MITF: variants seen among roughly 807,000 people sequenced by gnomAD.
The protein encoded by MITF is melanocyte inducing transcription factor, also known as microphthalmia-associated transcription factor.
MITF carries 17 observed loss-of-function variants against 60.5 expected under a neutral mutation model. That is an observed-to-expected ratio of 0.28 (90% CI 0.19 to 0.42). The LOEUF (loss-of-function observed/expected upper bound fraction) is 0.42. Ranked by LOEUF, MITF falls within the 10% of genes least tolerant of loss-of-function variation. MITF has a pLI of 1.00. For missense variants in MITF, 622 were observed against 683.5 expected, an observed-to-expected ratio of 0.91 and a Z score of 1.00; for synonymous variants, 260 against 248.5, an observed-to-expected ratio of 1.05 and a Z score of -0.43.
At chr3:69,807,680 C>CT (rs2063031822) in intron 1 of MITF, among the ~76,000 whole-genome samples, 1 of 152,222 alleles carries the variant, frequency 6.6e-6, no homozygotes, top group South Asian at 2.1e-4. Flanking sequence ...GGATAAGCCA[C>CT]TTTGATACCT....
At chr3:69,951,289 A>C (rs922821456) in intron 6 of MITF, among the ~76,000 whole-genome samples, 1 of 151,664 alleles carries the variant, frequency 6.6e-6, no homozygotes, top group Admixed American at 6.6e-5. Context: ...GTAAAGACCA[A>C]GGCTGATCTT....
At chr3:69,808,266 A>G (rs890421720) in intron 1 of MITF, among the ~76,000 whole-genome samples, 1 of 151,952 alleles carries the variant, frequency 6.6e-6, no homozygotes, top group African/African-American at 2.4e-5. Flanking sequence ...AACTGAAACC[A>G]GAATAACCGT....
chr3:69,756,818 T>C (rs970876476), intron 1 of MITF, among the ~76,000 whole-genome samples: 1 of 152,196 alleles, frequency 6.6e-6, no homozygotes, highest in Non-Finnish European at 1.5e-5. Context: ...TTTTTAATGA[T>C]TGCTACTCTG....
At chr3:69,778,459 A>G (rs2062510406) in intron 1 of MITF, among the ~76,000 whole-genome samples, 1 of 152,214 alleles carries the variant, frequency 6.6e-6, no homozygotes. Flanking sequence ...TCTCCATACA[A>G]GAAGCCCAGG....
At chr3:69,939,305 A>C in intron 4 of MITF, 124 bp downstream of exon 4, 1 of 825,782 alleles carries the variant, frequency 1.2e-6, no homozygotes, top group Non-Finnish European at 2.0e-6. Context: ...TTTTTTATAG[A>C]GAAAGCTAGG....
chr3:69,963,148 T>C (rs2066592248), intron 9 of MITF, among the ~76,000 whole-genome samples: 1 of 152,182 alleles, frequency 6.6e-6, no homozygotes, highest in Admixed American at 6.5e-5. Flanking sequence ...TCCAAGGTAC[T>C]AAGGTTAGGA....
chr3:69,827,581 G>A (rs1282786800), intron 1 of MITF, among the ~76,000 whole-genome samples: 1 of 152,140 alleles, frequency 6.6e-6, no homozygotes, highest in Non-Finnish European at 1.5e-5. Flanking sequence ...ATATCAATGG[G>A]GAGGGAAATA....
chr3:69,793,513 T>C, intron 1 of MITF, among the ~76,000 whole-genome samples: 2 of 152,012 alleles, frequency 1.3e-5, no homozygotes, highest in East Asian at 1.9e-4. Context: ...GCATGCACCC[T>C]CTCCCAATGC....
intron 1 of MITF, among the ~76,000 whole-genome samples, chr3:69,834,889 G>A (rs1163181641): frequency 1.3e-5 from 2 of 148,422 alleles, no homozygotes; most frequent in African/African-American, 5.0e-5. Flanking sequence ...ACTGGAGTGA[G>A]GTAGTATCTC....
chr3:69,787,933 T>A (rs576451949), intron 1 of MITF, among the ~76,000 whole-genome samples: 83 of 152,146 alleles, frequency 5.5e-4, no homozygotes, highest in Non-Finnish European at 1.0e-3. Context: ...CTGTGCTAAG[T>A]GCTTTATTTG....
At chr3:69,836,760 T>C (rs574170447) in intron 1 of MITF, among the ~76,000 whole-genome samples, 9 of 152,334 alleles carry the variant, frequency 5.9e-5, no homozygotes, top group African/African-American at 2.2e-4. Flanking sequence ...TTCTTCCTTG[T>C]AGCAGTCAGA....
At chr3:69,876,621 A>G (rs527741549) in intron 1 of MITF, among the ~76,000 whole-genome samples, 1 of 152,322 alleles carries the variant, frequency 6.6e-6, no homozygotes, top group Non-Finnish European at 1.5e-5. Flanking sequence ...TGAGTGCATG[A>G]TATTAAATAA....
In MITF at chr3:69,941,334, AT is replaced by A. The variant is rs750619953; in HGVS notation, c.762+5del. 1 of 1,592,748 alleles carries A rather than the reference AT, an allele frequency of 6.3e-7. No homozygotes were observed. The highest frequency in any genetic ancestry group is 1.1e-5 in the South Asian group (1 of 90,440). On this transcript the variant is annotated splice_donor_region_variant and intron_variant, in intron 5 of 9. Coordinates refer to ENST00000352241, the MANE Select transcript of MITF (RefSeq NM_001354604.2). ...CTGCTTTGCAAATGGCAAATACGGT[AT>A]TGATAACCTTTTTTTAAGTAGAAAA...
At chr3:69,798,648 C>G (rs999778232) in intron 1 of MITF, among the ~76,000 whole-genome samples, 5 of 152,222 alleles carry the variant, frequency 3.3e-5, no homozygotes, top group African/African-American at 1.2e-4. Flanking sequence ...TAACCCTTCC[C>G]CCTCTGTTTC....
chr3:69,912,656 G>A (rs1435965635), intron 2 of MITF, among the ~76,000 whole-genome samples: 1 of 152,186 alleles, frequency 6.6e-6, no homozygotes, highest in Non-Finnish European at 1.5e-5. Flanking sequence ...GCCACACACA[G>A]AAATTGTTAG....
At chr3:69,963,395 C>T (rs1029722415) in intron 9 of MITF, among the ~76,000 whole-genome samples, 1 of 152,158 alleles carries the variant, frequency 6.6e-6, no homozygotes, top group Admixed American at 6.5e-5. Context: ...TCATGGCACT[C>T]TTAGTGTTTT....
At chr3:69,868,857 C>T (rs1364960101) in intron 1 of MITF, among the ~76,000 whole-genome samples, 1 of 150,804 alleles carries the variant, frequency 6.6e-6, no homozygotes, top group African/African-American at 2.5e-5. Context: ...CAAGATCGCA[C>T]CACTGCACTC....
intron 5 of MITF, 146 bp downstream of exon 5, chr3:69,941,477 A>G (rs2065967804): frequency 3.2e-6 from 2 of 630,874 alleles, no homozygotes; most frequent in Admixed American, 5.8e-5. Flanking sequence ...AGGATCACAA[A>G]TAAGTGACTT....
At chr3:69,761,355 G>A (rs2062209553) in intron 1 of MITF, among the ~76,000 whole-genome samples, 2 of 152,120 alleles carry the variant, frequency 1.3e-5, no homozygotes, top group Non-Finnish European at 2.9e-5. Flanking sequence ...TTTTATAAAT[G>A]AAGAAACTTG....
Sources: allele counts gnomAD v4.1 joint callset (sites outside exome capture counted in the v4.1 genomes callset), GRCh38; gene constraint gnomAD v4.1.1; transcripts MANE v1.5; gene names NCBI Gene and HGNC (gene_info 2026-07-23, HGNC 2026-07-21).